ERCC1: variants seen among roughly 807,000 people sequenced by gnomAD.
ERCC1 encodes the protein DNA excision repair protein ERCC-1.
ERCC1 carries 36 observed loss-of-function variants against 37.6 expected under a neutral mutation model. The observed-to-expected ratio is 0.96, with a 90% CI of 0.73 to 1.26. ERCC1 has a LOEUF of 1.26. Among genes scored for constraint, ERCC1 ranks in the 50% most tolerant of loss-of-function variants. The probability of loss-of-function intolerance (pLI) is 0.00; values close to 1 mark genes in which losing one functional copy is unlikely to be tolerated. For synonymous variants in ERCC1, 156 were observed against 162.1 expected, an observed-to-expected ratio of 0.96 and a Z score of 0.28; for missense variants, 349 against 376.5, an observed-to-expected ratio of 0.93 and a Z score of 0.60.
chr19:45,435,719 A>G (rs1385235077), intron 1 of ERCC1, among the ~76,000 whole-genome samples: 1 of 152,114 alleles, frequency 6.6e-6, no homozygotes, highest in Non-Finnish European at 1.5e-5. Context: ...TGGACTCCCA[A>G]AGTGTTGGGA....
Position 45,421,430 on chromosome 19 carries a change from G to A in ERCC1, c.106-37C>T, listed in dbSNP as rs368547035. 1.1e-5 allele frequency: 16 copies of A among 1,510,710 alleles called. No homozygotes were observed. In the East Asian group the frequency reaches 2.7e-4, roughly 26 times the overall value. 93.6% of individuals were successfully genotyped at this position (1,510,710 alleles called of 1,614,324 possible). A position where few individuals can be genotyped will look rare whatever the true frequency, so the allele number is the denominator to read the frequency against. On this transcript the variant is annotated intron_variant, in intron 2 of 9. Coordinates refer to ENST00000300853, the MANE Select transcript of ERCC1 (RefSeq NM_001983.4). ...AAGGGAGTTTGCAGGGGACTGGTTG[G>A]GGTGAGCAGAGGACATCTGAGGCCC...
intron 1 of ERCC1, chr19:45,436,594 C>G (rs1974985348): frequency 6.6e-6 from 1 of 152,252 alleles, no homozygotes; most frequent in Non-Finnish European, 1.5e-5. Context: ...CCACTGCACT[C>G]CAGCCTGGGT....
At chr19:45,433,471 A>T (rs1195917223) in intron 1 of ERCC1, among the ~76,000 whole-genome samples, 2 of 152,138 alleles carry the variant, frequency 1.3e-5, no homozygotes, top group Non-Finnish European at 2.9e-5. Context: ...GGTTGCAGTG[A>T]GCCGAGATTG....
chr19:45,408,006 A>G lies in ERCC1; in HGVS notation c.*1669T>C. 1.6e-6 allele frequency: 2 copies of G among 1,258,616 alleles called. No individual in the cohort carries two copies. The highest frequency in any genetic ancestry group is 2.2e-6 in the Non-Finnish European group (2 of 929,156). 78.0% of individuals were successfully genotyped at this position (1,258,616 alleles called of 1,614,324 possible). A position where few individuals can be genotyped will look rare whatever the true frequency, so the allele number is the denominator to read the frequency against. On this transcript the variant is annotated 3_prime_UTR_variant, in exon 10 of 10. Coordinates refer to ENST00000300853, the MANE Select transcript of ERCC1 (RefSeq NM_001983.4). ...GAGGTGGACATTGCAGTGAGCCGAG[A>G]TCATGCCACTGCACTCCAGCCTAGG...
intron 6 of ERCC1, among the ~76,000 whole-genome samples, chr19:45,415,222 C>T (rs1261416512): frequency 6.6e-6 from 1 of 151,782 alleles, no homozygotes; most frequent in East Asian, 1.9e-4. Context: ...GTAGTCCCAG[C>T]TACTCAGGAG....
chr19:45,445,011 TTTG>T (rs925939352), intron 1 of ERCC1, among the ~76,000 whole-genome samples: 15 of 152,152 alleles, frequency 9.9e-5, no homozygotes, highest in South Asian at 8.3e-4. Context: ...CAACCGATTT[TTTG>T]TTGTTGTTGT....
chr19:45,411,860 T>C lies in ERCC1; in HGVS notation c.843+1817A>G, dbSNP rs562362439. On this transcript the variant is annotated intron_variant, in intron 9 of 9. Transcript: ENST00000300853. ...TCTCATTATAGTTTATTTTTGGTTT[T>C]TGGTTTTCTTTTTTGAGATGGAGTC... Among the ~76,000 whole-genome samples, 402 of 151,794 alleles carry C rather than the reference T, an allele frequency of 2.6e-3. 1 individual carries two copies. The highest frequency in any genetic ancestry group is 4.6e-3 in the Non-Finnish European group (312 of 67,920).
Position 45,407,944 on chromosome 19 carries a change from C to T in ERCC1, c.*1731G>A. On this transcript the variant is annotated 3_prime_UTR_variant, in exon 10 of 10. Transcript: ENST00000300853. ...TGGCAGGTGCCTGTAATCCCAGCTA[C>T]TTGAGAGGCTGAGGCAGGAGAATCG... is the stretch of plus-strand genomic sequence containing the variant. 1 of 671,218 alleles carries T rather than the reference C, an allele frequency of 1.5e-6. No individual in the cohort carries two copies. The highest frequency in any genetic ancestry group is 2.2e-6 in the Non-Finnish European group (1 of 445,470). 41.6% of individuals were successfully genotyped at this position (671,218 alleles called of 1,614,324 possible). A position where few individuals can be genotyped will look rare whatever the true frequency, so the allele number is the denominator to read the frequency against.
At chr19:45,428,573 C>T (rs1479116738), upstream of ERCC1, among the ~76,000 whole-genome samples, 1 of 152,216 alleles carries the variant, frequency 6.6e-6, no homozygotes, top group Non-Finnish European at 1.5e-5. Context: ...CCAGCTACGG[C>T]CCCTGCTCCC....
At chr19:45,432,726 G>A (rs1037636228) in intron 1 of ERCC1, among the ~76,000 whole-genome samples, 1 of 152,130 alleles carries the variant, frequency 6.6e-6, no homozygotes, top group Non-Finnish European at 1.5e-5. Flanking sequence ...TATTTTTGTA[G>A]AGACGGGGTC....
At chr19:45,450,058 C>G (rs1599871670) in intron 1 of ERCC1, among the ~76,000 whole-genome samples, 1 of 152,200 alleles carries the variant, frequency 6.6e-6, no homozygotes, top group East Asian at 1.9e-4. Flanking sequence ...TTATTATGTA[C>G]TAAGTGCTTT....
chr19:45,414,701 T>A, intron 7 of ERCC1, 160 bp downstream of exon 7: 1 of 613,508 alleles, frequency 1.6e-6, no homozygotes, highest in Non-Finnish European at 3.0e-6. Flanking sequence ...GCAGCAGATT[T>A]GTGCTCAGGA....
rs774856339 is a variant in ERCC1, at chr19:45,408,841, G to C, written c.*834C>G. ...TCCTGTCCCCGACCAAAAAGAGAAA[G>C]AGGCAAAAGGGGACGGAAGGGATGG... On this transcript the variant is annotated 3_prime_UTR_variant, in exon 10 of 10. Transcript: ENST00000300853. 13 of 1,614,060 alleles carry C rather than the reference G, an allele frequency of 8.1e-6. No homozygotes were observed. The highest frequency in any genetic ancestry group is 1.1e-5 in the South Asian group (1 of 91,088).
intron 1 of ERCC1, among the ~76,000 whole-genome samples, chr19:45,430,259 C>T (rs546541909): frequency 6.6e-6 from 1 of 152,352 alleles, no homozygotes; most frequent in East Asian, 1.9e-4. Flanking sequence ...AATGACATTT[C>T]CCGTTATAAT....
In ERCC1 at chr19:45,412,485, CTGA is replaced by C. The variant is rs543670696; in HGVS notation, c.843+1189_843+1191del. ...CACTGTAGTTTTGATTTGCATTTTT[CTGA>C]TGATCAATGATGCTGAGCACCTTTT... On this transcript the variant is annotated intron_variant, in intron 9 of 9. Coordinates refer to ENST00000300853, the MANE Select transcript of ERCC1 (RefSeq NM_001983.4). Among the ~76,000 whole-genome samples the C allele has an allele frequency of 2.6e-3, 390 of 152,238 alleles. 1 individual carries two copies. The highest frequency in any genetic ancestry group is 8.9e-3 in the African/African-American group (370 of 41,562).
intron 9 of ERCC1, among the ~76,000 whole-genome samples, chr19:45,411,820 A>G (rs1310609114): frequency 6.6e-6 from 1 of 150,688 alleles, no homozygotes; most frequent in East Asian, 2.0e-4. Context: ...CCATTTTAAT[A>G]GAGCTGAGAT....
Position 45,438,343 on chromosome 19 carries a change from T to C in ERCC1, c.-7-14962A>G, listed in dbSNP as rs137962005. On this transcript the variant is annotated intron_variant, in intron 1 of 8. Transcript: ENST00000423698. ...TCGGCCTCCCAAACTGCTGGATTTA[T>C]AGGCGTGAGTCACCGCACCTGGCCC... 3.3e-3 allele frequency among the ~76,000 whole-genome samples: 498 copies of C among 152,320 alleles called. 1 individual carries two copies. The highest frequency in any genetic ancestry group is 7.7e-3 in the Admixed American group (118 of 15,278).
Position 45,432,571 on chromosome 19 carries a change from T to A in ERCC1, c.-7-9190A>T, listed in dbSNP as rs138420306. 2.8e-3 allele frequency among the ~76,000 whole-genome samples: 426 copies of A among 152,212 alleles called. 4 individuals carry two copies. The highest frequency in any genetic ancestry group is 9.8e-3 in the African/African-American group (406 of 41,538). On this transcript the variant is annotated intron_variant, in intron 1 of 8. Transcript: ENST00000423698. Reference sequence around the variant, plus strand: ...TACATTTTTTAAATTTTAGACAGGGTTTCACTCTGTTGCCCAGGCTGGAGT... The same window carrying A: ...TACATTTTTTAAATTTTAGACAGGGATTCACTCTGTTGCCCAGGCTGGAGT...
chr19:45,415,200 T>TG (rs775475220), intron 6 of ERCC1, among the ~76,000 whole-genome samples: 4 of 151,928 alleles, frequency 2.6e-5, no homozygotes, highest in Non-Finnish European at 4.4e-5. Context: ...CTGGGCTTGG[T>TG]GGCGCGTGCC....
Sources: allele counts gnomAD v4.1 joint callset (sites outside exome capture counted in the v4.1 genomes callset), GRCh38; gene constraint gnomAD v4.1.1; transcripts MANE v1.5; gene names NCBI Gene and HGNC (gene_info 2026-07-23, HGNC 2026-07-21).